The following FBXL2 variants were observed in gnomAD, a reference collection of about 807,000 sequenced individuals.
FBXL2 encodes F-box and leucine rich repeat protein 2.
A neutral mutation model predicts 69.2 loss-of-function variants in FBXL2; 38 were observed. The ratio of observed to expected loss-of-function variants is 0.55; its 90% CI spans 0.42 to 0.72. FBXL2 has a LOEUF of 0.72. Among genes scored for constraint, FBXL2 ranks in the 30% least tolerant of loss-of-function variants. The pLI, the probability that FBXL2 is intolerant of heterozygous loss-of-function variation, is 0.00. For missense variants in FBXL2, 354 were observed against 520.3 expected, an observed-to-expected ratio of 0.68 and a Z score of 3.11; for synonymous variants, 192 against 201.3, an observed-to-expected ratio of 0.95 and a Z score of 0.39.
intron 2 of FBXL2, among the ~76,000 whole-genome samples, chr3:33,331,917 T>C (rs2039196594): frequency 6.6e-6 from 1 of 152,070 alleles, no homozygotes; most frequent in Non-Finnish European, 1.5e-5. Flanking sequence ...GAGACCCAGA[T>C]GATGGGATTA....
At chr3:33,297,093 A>G (rs2035817609) in intron 1 of FBXL2, among the ~76,000 whole-genome samples, 1 of 152,164 alleles carries the variant, frequency 6.6e-6, no homozygotes, top group African/African-American at 2.4e-5. Flanking sequence ...TAAGTTTTCA[A>G]TATGGAAGTC....
intron 2 of FBXL2, among the ~76,000 whole-genome samples, chr3:33,340,467 T>C (rs983283074): frequency 2.7e-5 from 4 of 149,540 alleles, no homozygotes; most frequent in African/African-American, 9.9e-5. Flanking sequence ...GAGATGGAAC[T>C]AGAACACCTT....
chr3:33,290,252 A>G (rs1044034850), intron 1 of FBXL2, among the ~76,000 whole-genome samples: 1 of 152,242 alleles, frequency 6.6e-6, no homozygotes, highest in Non-Finnish European at 1.5e-5. Context: ...GACTAACACT[A>G]CAATCTCAAA....
chr3:33,382,113 C>CTCAGG (rs1348011149), intron 13 of FBXL2, among the ~76,000 whole-genome samples: 20 of 152,178 alleles, frequency 1.3e-4, no homozygotes, highest in Admixed American at 5.9e-4. Flanking sequence ...CACCCATCCA[C>CTCAGG]TCAGGTCTCC....
At chr3:33,278,828 T>C (rs1009081537) in intron 1 of FBXL2, among the ~76,000 whole-genome samples, 1 of 152,240 alleles carries the variant, frequency 6.6e-6, no homozygotes, top group African/African-American at 2.4e-5. Flanking sequence ...TTTATGAAGA[T>C]ATAAGTGTTT....
intron 2 of FBXL2, among the ~76,000 whole-genome samples, chr3:33,340,453 G>A (rs2039925220): frequency 6.6e-6 from 1 of 151,780 alleles, no homozygotes; most frequent in South Asian, 2.1e-4. Flanking sequence ...GGCAGAAAAT[G>A]TATGAGATGG....
intron 2 of FBXL2, among the ~76,000 whole-genome samples, chr3:33,358,349 C>T (rs557794470): frequency 1.8e-4 from 28 of 152,356 alleles, no homozygotes; most frequent in African/African-American, 6.5e-4. Context: ...CAGTCCCCTG[C>T]CATGCTGGCA....
intron 9 of FBXL2, among the ~76,000 whole-genome samples, chr3:33,374,602 G>A (rs926803702): frequency 1.3e-5 from 2 of 152,156 alleles, no homozygotes; most frequent in Non-Finnish European, 2.9e-5. Context: ...ATGGACAAAC[G>A]TTGACCATAT....
At chr3:33,408,645 C>A, downstream of FBXL2, 1 of 1,548,888 alleles carries the variant, frequency 6.5e-7, no homozygotes, top group Non-Finnish European at 8.8e-7. Context: ...TCTAACACTG[C>A]ACAAGGTTTC....
At chr3:33,407,330 T>C (rs1170058035), downstream of FBXL2, among the ~76,000 whole-genome samples, 1 of 152,200 alleles carries the variant, frequency 6.6e-6, no homozygotes, top group Non-Finnish European at 1.5e-5. Flanking sequence ...GAATTTCTTT[T>C]ATTTAGGAAT....
At chr3:33,402,683 CCTTA>C (rs1213454049) in intron 12 of FBXL2, 50 of 664,250 alleles carry the variant, frequency 7.5e-5, no homozygotes, top group South Asian at 3.1e-4. Context: ...GGATACTTCC[CCTTA>C]CTGTTTCCTT....
intron 2 of FBXL2, among the ~76,000 whole-genome samples, chr3:33,349,721 G>C (rs779005955): frequency 1.3e-5 from 2 of 152,072 alleles, no homozygotes; most frequent in Non-Finnish European, 2.9e-5. Flanking sequence ...GTGAAGCCAT[G>C]AAGTCCTGAG....
At chr3:33,388,386 C>CT (rs1435123649), downstream of FBXL2, 1 of 152,562 alleles carries the variant, frequency 6.6e-6, no homozygotes, top group Admixed American at 6.6e-5. Context: ...GTACATCCTA[C>CT]TATTAAAAAA....
intron 2 of FBXL2, among the ~76,000 whole-genome samples, chr3:33,302,763 C>A (rs1430071736): frequency 6.6e-6 from 1 of 151,916 alleles, no homozygotes; most frequent in Non-Finnish European, 1.5e-5. Context: ...ATTTCATTGC[C>A]CCAAATGAGG....
At chr3:33,336,284 A>T (rs1018964549) in intron 2 of FBXL2, among the ~76,000 whole-genome samples, 3 of 152,012 alleles carry the variant, frequency 2.0e-5, no homozygotes, top group Admixed American at 6.6e-5. Context: ...CCAGAAACAG[A>T]CCCCCATATA....
chr3:33,413,546 C>CAAAAAA, the FBXL2 span, among the ~76,000 whole-genome samples: 1 of 55,402 alleles, frequency 1.8e-5, no homozygotes, highest in Non-Finnish European at 3.8e-5. Context: ...GACTCCATCA[C>CAAAAAA]AAAAAAAAAA....
chr3:33,310,048 C>T (rs1357112213), intron 2 of FBXL2, among the ~76,000 whole-genome samples: 1 of 152,108 alleles, frequency 6.6e-6, no homozygotes, highest in Non-Finnish European at 1.5e-5. Context: ...TTTCTTTCCT[C>T]CCCTTGACAT....
At chr3:33,343,230 CAT>C (rs2040200806) in intron 2 of FBXL2, among the ~76,000 whole-genome samples, 1 of 152,032 alleles carries the variant, frequency 6.6e-6, no homozygotes, top group African/African-American at 2.4e-5. Context: ...CTAGTTCTAA[CAT>C]GTAGCATAAT....
At chr3:33,338,445 GA>G (rs2039754351) in intron 2 of FBXL2, among the ~76,000 whole-genome samples, 2 of 150,478 alleles carry the variant, frequency 1.3e-5, no homozygotes, top group Middle Eastern at 3.4e-3. Flanking sequence ...CATATGGAAT[GA>G]AAAAAAAAGT....
Sources: allele counts gnomAD v4.1 joint callset (sites outside exome capture counted in the v4.1 genomes callset), GRCh38; gene constraint gnomAD v4.1.1; transcripts MANE v1.5; gene names NCBI Gene and HGNC (gene_info 2026-07-23, HGNC 2026-07-21).